GLRA1: variants seen among roughly 807,000 people sequenced by gnomAD.
GLRA1 encodes the protein glycine receptor alpha 1.
A neutral mutation model predicts 48.3 loss-of-function variants in GLRA1; 37 were observed. The ratio of observed to expected loss-of-function variants is 0.77; its 90% CI spans 0.59 to 1.01. GLRA1 has a LOEUF of 1.01. Ranked by LOEUF, GLRA1 falls within the 50% of genes least tolerant of loss-of-function variation. GLRA1 has a pLI of 0.00. For missense variants in GLRA1, 427 were observed against 571.0 expected (o/e 0.75, Z 2.57); for synonymous variants, 196 against 210.7 (o/e 0.93, Z 0.60).
chr5:151,878,323 G>A (rs1753676986), intron 3 of GLRA1, among the ~76,000 whole-genome samples: 2 of 152,326 alleles, frequency 1.3e-5, no homozygotes, highest in Admixed American at 1.3e-4. Context: ...CATTCAAGAA[G>A]TTATGTGGTT....
intron 1 of GLRA1, among the ~76,000 whole-genome samples, chr5:151,898,058 G>A (rs951031431): frequency 2.0e-5 from 3 of 152,160 alleles, no homozygotes; most frequent in Non-Finnish European, 4.4e-5. Flanking sequence ...AGGGGTTGGA[G>A]GCAGGGTGAT....
At chr5:151,917,067 T>G (rs1208991385) in intron 1 of GLRA1, among the ~76,000 whole-genome samples, 1 of 152,248 alleles carries the variant, frequency 6.6e-6, no homozygotes, top group East Asian at 1.9e-4. Context: ...TTGAGAGCTC[T>G]GTCACCCACT....
rs199910297 is a variant in GLRA1, at chr5:151,892,406, C to T, written c.89G>A (p.Arg30His). The change falls in exon 2 of 9, where the codon CGC (arginine) becomes CAC (histidine). Residue 30 changes from arginine to histidine, a missense_variant. Transcript: ENST00000274576. ...GGGTGACATAGGCTTGGGTGCGGAGCGAGCAGCTTCAGCCTCCTTAGAAGC... is the reference window on the plus strand; with the variant it reads ...GGGTGACATAGGCTTGGGTGCGGAGTGAGCAGCTTCAGCCTCCTTAGAAGC... ...LAASKEAEAARSAPKPMSPSD... is the reference protein window; with the variant it reads ...LAASKEAEAAHSAPKPMSPSD... 51 of 1,613,980 alleles carry T rather than the reference C, an allele frequency of 3.2e-5. No homozygotes were observed. Among genetic ancestry groups the T allele is most frequent in the African/African-American group, 2.8e-4 (21 of 75,022 alleles).
At position 151,901,254 on chromosome 5, in the gene GLRA1, CT is replaced by C. The variant is rs139393014; in HGVS notation, c.57-8817del. ...GCTACCACAACCATCTCACTTTGCCCTAACTGTGTGTATATGTCTCACTTGG... is the reference window on the plus strand; with the variant it reads ...GCTACCACAACCATCTCACTTTGCCCAACTGTGTGTATATGTCTCACTTGG... On this transcript the variant is annotated intron_variant, in intron 1 of 8. Transcript: ENST00000274576. Among the ~76,000 whole-genome samples, 1,212 of 152,270 alleles carry C rather than the reference CT, an allele frequency of 8.0e-3. 17 individuals are homozygous for C. Among genetic ancestry groups the C allele is most frequent in the African/African-American group, 0.027 (1,140 of 41,554 alleles).
intron 3 of GLRA1, among the ~76,000 whole-genome samples, chr5:151,873,020 A>T (rs1426062673): frequency 6.7e-6 from 1 of 149,738 alleles, no homozygotes; most frequent in Non-Finnish European, 1.5e-5. Context: ...ATTGGAGGGG[A>T]GGGCAAAGCA....
intron 7 of GLRA1, among the ~76,000 whole-genome samples, chr5:151,849,520 T>TA (rs1392372050): frequency 7.5e-6 from 1 of 132,940 alleles, no homozygotes; most frequent in Non-Finnish European, 1.6e-5. Context: ...TTTCTTTCTT[T>TA]TTTTCTTTCT....
At chr5:151,856,456 G>A in intron 4 of GLRA1, 73 bp from the exon 5 acceptor site, 3 of 986,136 alleles carry the variant, frequency 3.0e-6, no homozygotes, top group South Asian at 2.6e-5. Flanking sequence ...TCTAGTTATT[G>A]TTAGAAAATC....
intron 4 of GLRA1, 41 bp from the exon 5 acceptor site, chr5:151,856,424 A>AGCC: frequency 2.3e-6 from 3 of 1,297,788 alleles, no homozygotes; most frequent in Non-Finnish European, 3.4e-6. Context: ...GGATCTGCAC[A>AGCC]TCAGGGAGGC....
At chr5:151,844,621 CAAAAAAAAAA>C (rs202218874) in intron 7 of GLRA1, among the ~76,000 whole-genome samples, 6 of 49,708 alleles carry the variant, frequency 1.2e-4, no homozygotes, top group Non-Finnish European at 2.3e-4. Flanking sequence ...TACTCTATCT[CAAAAAAAAAA>C]AAAAAAAAAA....
chr5:151,851,646 T>C, intron 6 of GLRA1, 42 bp from the exon 7 acceptor site: 1 of 1,351,398 alleles, frequency 7.4e-7, no homozygotes, highest in East Asian at 2.3e-5. Flanking sequence ...GCCTGGTGAA[T>C]AGGACAAAAG....
At chr5:151,840,585 TA>T (rs1310525400) in intron 7 of GLRA1, among the ~76,000 whole-genome samples, 13 of 152,092 alleles carry the variant, frequency 8.5e-5, no homozygotes, top group Non-Finnish European at 1.8e-4. Context: ...CAGACTGGAT[TA>T]AAAAATAAAA....
At chr5:151,864,928 C>G (rs967463744) in intron 3 of GLRA1, among the ~76,000 whole-genome samples, 3 of 152,062 alleles carry the variant, frequency 2.0e-5, no homozygotes, top group Non-Finnish European at 2.9e-5. Context: ...TATTTTATAT[C>G]TGGAAAGACT....
At chr5:151,853,445 AG>A (rs1450608330) in intron 6 of GLRA1, among the ~76,000 whole-genome samples, 1 of 150,508 alleles carries the variant, frequency 6.6e-6, no homozygotes. Context: ...CAGTAGAGAC[AG>A]GGTTTCACCA....
At chr5:151,847,240 T>C (rs1752697003) in intron 7 of GLRA1, among the ~76,000 whole-genome samples, 1 of 152,250 alleles carries the variant, frequency 6.6e-6, no homozygotes. Context: ...TTGTGTCTAT[T>C]GTTGAGTGAA....
chr5:151,837,119 A>G (rs1263939702), intron 7 of GLRA1, among the ~76,000 whole-genome samples: 1 of 152,264 alleles, frequency 6.6e-6, no homozygotes, highest in African/African-American at 2.4e-5. Context: ...ACAAATTTAT[A>G]AGAAAAACAA....
chr5:151,868,264 T>C (rs1019062712), intron 3 of GLRA1, among the ~76,000 whole-genome samples: 3 of 152,212 alleles, frequency 2.0e-5, no homozygotes, highest in Non-Finnish European at 4.4e-5. Context: ...TTGTGAAAAC[T>C]AAAGCCCTAA....
At chr5:151,921,797 G>T (rs1262009785) in intron 1 of GLRA1, among the ~76,000 whole-genome samples, 1 of 152,196 alleles carries the variant, frequency 6.6e-6, no homozygotes, top group African/African-American at 2.4e-5. Flanking sequence ...TTGACTCTCA[G>T]AATGCCACTT....
chr5:151,907,583 T>G (rs985522078), intron 1 of GLRA1, among the ~76,000 whole-genome samples: 1 of 152,194 alleles, frequency 6.6e-6, no homozygotes, highest in African/African-American at 2.4e-5. Context: ...GGATCAAATA[T>G]CAGATGGGTT....
chr5:151,872,123 T>C (rs1295613205), intron 3 of GLRA1, among the ~76,000 whole-genome samples: 1 of 149,596 alleles, frequency 6.7e-6, no homozygotes, highest in Non-Finnish European at 1.5e-5. Context: ...GCATTTCAAA[T>C]TAGTAGAAAA....
Sources: gnomAD v4.1 joint callset for allele counts (sites outside exome capture counted in the v4.1 genomes callset) on GRCh38, gnomAD v4.1.1 for gene constraint, MANE v1.5 for transcripts, NCBI Gene and HGNC (gene_info 2026-07-23, HGNC 2026-07-21) for gene names.